ARL15: variants seen among roughly 807,000 people sequenced by gnomAD.
ARL15 encodes ADP-ribosylation factor-like protein 15.
ARL15 carries 19 observed loss-of-function variants against 25.2 expected under a neutral mutation model. That is an observed-to-expected ratio of 0.75 (90% CI 0.53 to 1.10). ARL15 has a LOEUF of 1.10. Among genes scored for constraint, ARL15 ranks in the 50% least tolerant of loss-of-function variants. ARL15 has a pLI of 0.00. For missense variants in ARL15, 220 were observed against 246.0 expected, an observed-to-expected ratio of 0.89 and a Z score of 0.71; for synonymous variants, 94 against 86.8, an observed-to-expected ratio of 1.08 and a Z score of -0.46.
At chr5:53,893,563 G>A (rs1368133417) in intron 4 of ARL15, among the ~76,000 whole-genome samples, 2 of 152,068 alleles carry the variant, frequency 1.3e-5, no homozygotes, top group Non-Finnish European at 2.9e-5. Context: ...AGCCGAGATC[G>A]CACCACTGCA....
chr5:54,067,995 C>G (rs972571567), intron 4 of ARL15, among the ~76,000 whole-genome samples: 3 of 152,200 alleles, frequency 2.0e-5, no homozygotes, highest in African/African-American at 7.2e-5. Context: ...CTATCTCTCC[C>G]ACTAAAGTGT....
chr5:53,961,942 A>G (rs1254453136), intron 4 of ARL15, among the ~76,000 whole-genome samples: 1 of 152,188 alleles, frequency 6.6e-6, no homozygotes, highest in African/African-American at 2.4e-5. Context: ...ATGGAGTTCT[A>G]TACTACAGAT....
At chr5:54,062,458 A>C (rs1751097866) in intron 4 of ARL15, among the ~76,000 whole-genome samples, 1 of 149,906 alleles carries the variant, frequency 6.7e-6, no homozygotes, top group African/African-American at 2.5e-5. Flanking sequence ...TATGAAGGCC[A>C]GTCTTTCCTG....
intron 1 of ARL15, among the ~76,000 whole-genome samples, chr5:54,259,928 C>T (rs143032866): frequency 1.3e-5 from 2 of 152,276 alleles, no homozygotes; most frequent in East Asian, 1.9e-4. Flanking sequence ...ATTTCCACTA[C>T]TTTTAGTGGT....
In ARL15 at chr5:54,263,562, C is replaced by T. The variant is rs113511498; in HGVS notation, c.48+46870G>A. On this transcript the variant is annotated intron_variant, in intron 1 of 4. Coordinates refer to ENST00000504924, the MANE Select transcript of ARL15 (RefSeq NM_019087.3). ...TATTGTCTATAACCCTATGGTTCCA[C>T]GAAGAAAGGAAACAGGAAACTGGAG... 6.3e-3 allele frequency among the ~76,000 whole-genome samples: 956 copies of T among 152,104 alleles called. 7 individuals are homozygous for T. The highest frequency in any genetic ancestry group is 0.022 in the African/African-American group (912 of 41,480).
At chr5:54,133,299 C>CCT (rs1561236820) in intron 3 of ARL15, among the ~76,000 whole-genome samples, 15 of 152,132 alleles carry the variant, frequency 9.9e-5, no homozygotes, top group Non-Finnish European at 1.8e-4. Flanking sequence ...CAGAAATTGT[C>CCT]TAAACCATAT....
At chr5:54,167,287 T>C (rs154021) in intron 2 of ARL15, among the ~76,000 whole-genome samples, 29,496 of 152,098 alleles carry the variant, frequency 0.19, 3,638 homozygotes, top group Admixed American at 0.31. Context: ...TTTTCTCTGG[T>C]ATTCTATTCT....
At chr5:53,994,163 C>T (rs1375765161) in intron 4 of ARL15, among the ~76,000 whole-genome samples, 4 of 152,026 alleles carry the variant, frequency 2.6e-5, no homozygotes, top group African/African-American at 7.3e-5. Context: ...TTAAACATTC[C>T]GTCATATAGT....
At chr5:54,275,585 CA>C (rs1331134623) in intron 1 of ARL15, among the ~76,000 whole-genome samples, 1 of 152,066 alleles carries the variant, frequency 6.6e-6, no homozygotes, top group African/African-American at 2.4e-5. Flanking sequence ...AATGGAAGAA[CA>C]ACAAGCTAGA....
At chr5:54,275,892 A>C (rs1757916479) in intron 1 of ARL15, among the ~76,000 whole-genome samples, 1 of 143,296 alleles carries the variant, frequency 7.0e-6, no homozygotes. Context: ...ATGGGGTTTC[A>C]CCATGTTAGC....
At chr5:54,304,998 T>C (rs1412582606) in intron 1 of ARL15, among the ~76,000 whole-genome samples, 10 of 152,214 alleles carry the variant, frequency 6.6e-5, no homozygotes, top group Non-Finnish European at 1.3e-4. Context: ...CATGGGTTTC[T>C]ATTGTTGGTT....
chr5:54,038,250 T>C (rs142138987), intron 4 of ARL15, among the ~76,000 whole-genome samples: 11 of 152,230 alleles, frequency 7.2e-5, no homozygotes, highest in African/African-American at 2.4e-4. Flanking sequence ...ACTGCAATAA[T>C]GGCATAATGA....
rs571330354 is a variant in ARL15 at position 53,904,628 on chromosome 5, A to T, written c.463-17915T>A. ...GGCTGCTTAATGAAACAAATATAAA[A>T]CACAACTCTGATTAGTGGCCACATA... On this transcript the variant is annotated intron_variant, in intron 4 of 4. Coordinates refer to ENST00000504924, the MANE Select transcript of ARL15 (RefSeq NM_019087.3). Among the ~76,000 whole-genome samples, 402 of 152,274 alleles carry T rather than the reference A, an allele frequency of 2.6e-3. 3 individuals carry two copies. The highest frequency in any genetic ancestry group is 9.1e-3 in the African/African-American group (377 of 41,570).
intron 4 of ARL15, among the ~76,000 whole-genome samples, chr5:53,950,227 A>G (rs2112113220): frequency 6.7e-6 from 1 of 150,044 alleles, no homozygotes; most frequent in Non-Finnish European, 1.5e-5. Flanking sequence ...CCAGGAGTTC[A>G]GGACCAGCCA....
intron 4 of ARL15, among the ~76,000 whole-genome samples, chr5:54,052,965 A>G (rs1750743489): frequency 6.6e-6 from 1 of 152,070 alleles, no homozygotes; most frequent in Non-Finnish European, 1.5e-5. Flanking sequence ...GTGCCAAAAG[A>G]AAAAAAATCA....
At chr5:54,240,890 A>C (rs1322421513) in intron 1 of ARL15, among the ~76,000 whole-genome samples, 1 of 152,208 alleles carries the variant, frequency 6.6e-6, no homozygotes, top group African/African-American at 2.4e-5. Flanking sequence ...GGGGATGCTC[A>C]AACGGTTAAA....
At chr5:53,948,316 T>C (rs535206630) in intron 4 of ARL15, among the ~76,000 whole-genome samples, 3 of 152,338 alleles carry the variant, frequency 2.0e-5, no homozygotes, top group East Asian at 3.9e-4. Flanking sequence ...CCTATCATCA[T>C]GTATGTAAAA....
At chr5:53,959,305 C>A (rs1747282235) in intron 4 of ARL15, among the ~76,000 whole-genome samples, 1 of 152,002 alleles carries the variant, frequency 6.6e-6, no homozygotes, top group Non-Finnish European at 1.5e-5. Flanking sequence ...CAAATGACTG[C>A]CAAGATAATA....
At chr5:54,180,821 G>C (rs571705872) in intron 1 of ARL15, among the ~76,000 whole-genome samples, 4 of 152,088 alleles carry the variant, frequency 2.6e-5, no homozygotes, top group Non-Finnish European at 4.4e-5. Flanking sequence ...CTATTAACTC[G>C]TGGCAACAAA....
Sources: gnomAD v4.1 joint callset for allele counts (sites outside exome capture counted in the v4.1 genomes callset) on GRCh38, gnomAD v4.1.1 for gene constraint, MANE v1.5 for transcripts, NCBI Gene and HGNC (gene_info 2026-07-23, HGNC 2026-07-21) for gene names.